LINC00305: variants seen among roughly 807,000 people sequenced by gnomAD.
The protein encoded by LINC00305 is long independently transcribed non-coding RNA 305, also known as long intergenic non-protein coding RNA 305.
intron 1 of LINC00305, among the ~76,000 whole-genome samples, chr18:64,124,546 G>T (rs1331933713): frequency 6.6e-6 from 1 of 152,016 alleles, no homozygotes; most frequent in Non-Finnish European, 1.5e-5. Context: ...ATGAATTGAG[G>T]CCAAACACAA....
chr18:64,099,142 T>A (rs1241536403), intron 1 of LINC00305, among the ~76,000 whole-genome samples: 1 of 152,212 alleles, frequency 6.6e-6, no homozygotes, highest in African/African-American at 2.4e-5. Context: ...GCAAATATTG[T>A]AATTTAAAAA....
intron 1 of LINC00305, among the ~76,000 whole-genome samples, chr18:64,113,986 ATGGC>A (rs2051326332): frequency 6.6e-6 from 1 of 152,188 alleles, no homozygotes; most frequent in South Asian, 2.1e-4. Context: ...ATGAAAGAAA[ATGGC>A]TGGGCGCGTT....
intron 1 of LINC00305, among the ~76,000 whole-genome samples, chr18:64,126,613 G>A (rs1339783248): frequency 6.6e-6 from 1 of 151,968 alleles, no homozygotes; most frequent in Non-Finnish European, 1.5e-5. Context: ...CTTAGTATGG[G>A]AATTCTGAGA....
intron 3 of LINC00305, among the ~76,000 whole-genome samples, chr18:64,085,511 G>A (rs886302290): frequency 3.3e-5 from 5 of 151,092 alleles, no homozygotes; most frequent in African/African-American, 9.7e-5. Context: ...TGCCCAGGCC[G>A]GAGTGCAGTG....
chr18:64,101,185 C>A (rs1196073930), intron 1 of LINC00305, among the ~76,000 whole-genome samples: 3 of 152,114 alleles, frequency 2.0e-5, no homozygotes, highest in African/African-American at 7.2e-5. Context: ...GATTGAGAAG[C>A]TGTATTTTCA....
At chr18:64,108,010 T>G (rs1202707703) in intron 1 of LINC00305, among the ~76,000 whole-genome samples, 2 of 152,140 alleles carry the variant, frequency 1.3e-5, no homozygotes, top group African/African-American at 2.4e-5. Flanking sequence ...AAACAACCTC[T>G]AAAAATCTAC....
chr18:64,134,477 C>T (rs773422323), intron 1 of LINC00305, among the ~76,000 whole-genome samples: 44 of 152,146 alleles, frequency 2.9e-4, no homozygotes, highest in Non-Finnish European at 2.1e-4. Context: ...GGTAGGAAAA[C>T]GCTCAAGCTC....
chr18:64,118,557 G>T (rs936919349), intron 1 of LINC00305, among the ~76,000 whole-genome samples: 1 of 151,956 alleles, frequency 6.6e-6, no homozygotes, highest in African/African-American at 2.4e-5. Flanking sequence ...CCAAACACTT[G>T]GATTACCCCT....
intron 3 of LINC00305, among the ~76,000 whole-genome samples, chr18:64,092,657 CA>C (rs1436412455): frequency 6.6e-6 from 1 of 152,178 alleles, no homozygotes; most frequent in Admixed American, 6.5e-5. Flanking sequence ...ACGCCTCCAA[CA>C]AAGGTGAGGT....
At chr18:64,121,881 A>G (rs1489355644) in intron 1 of LINC00305, among the ~76,000 whole-genome samples, 1 of 152,116 alleles carries the variant, frequency 6.6e-6, no homozygotes, top group African/African-American at 2.4e-5. Context: ...AATAATAGCC[A>G]TTCTGACTAG....
chr18:64,120,329 A>G (rs759697086), intron 1 of LINC00305, among the ~76,000 whole-genome samples: 14 of 152,116 alleles, frequency 9.2e-5, no homozygotes, highest in Non-Finnish European at 1.5e-4. Flanking sequence ...AGTTAAGTTT[A>G]GAGAAACACT....
intron 1 of LINC00305, among the ~76,000 whole-genome samples, chr18:64,106,748 A>C (rs924680120): frequency 2.0e-5 from 3 of 152,264 alleles, no homozygotes; most frequent in African/African-American, 7.2e-5. Flanking sequence ...AGGAGCAGAA[A>C]AATGACGCAG....
chr18:64,103,999 C>T (rs138556803), intron 1 of LINC00305: 1 of 152,248 alleles, frequency 6.6e-6, no homozygotes, highest in Admixed American at 6.5e-5. Flanking sequence ...CCATGACTTG[C>T]GTATGTCACA....
rs567530183 is a variant in LINC00305, at chr18:64,121,308, C to T, written n.315-22668G>A. On this transcript the variant is annotated intron_variant and non_coding_transcript_variant, in intron 1 of 3. Transcript: ENST00000666468. ...GAGTATCCATCACCCAAATAACGTA[C>T]GCTGTACCCCAAAACCTCCGTCATC... 3.9e-4 allele frequency among the ~76,000 whole-genome samples: 59 copies of T among 151,988 alleles called. 1 individual carries two copies. In the South Asian group the frequency reaches 9.3e-3, roughly 24 times the overall value.
intron 1 of LINC00305, among the ~76,000 whole-genome samples, chr18:64,116,039 A>G (rs1395117939): frequency 6.6e-6 from 1 of 152,150 alleles, no homozygotes; most frequent in East Asian, 1.9e-4. Flanking sequence ...CTCCATCCCT[A>G]GTCTTAGCTC....
intron 1 of LINC00305, among the ~76,000 whole-genome samples, chr18:64,122,536 C>T (rs973990430): frequency 2.0e-5 from 3 of 151,908 alleles, no homozygotes; most frequent in Non-Finnish European, 4.4e-5. Flanking sequence ...TTTGTTCCAC[C>T]AATCTATGTG....
chr18:64,098,867 T>A (rs2051257379), intron 1 of LINC00305, among the ~76,000 whole-genome samples: 1 of 152,146 alleles, frequency 6.6e-6, no homozygotes, highest in Non-Finnish European at 1.5e-5. Context: ...GGCTTAAATT[T>A]GACAAAAATA....
rs201430179 is a variant in LINC00305 at position 64,085,093 on chromosome 18, T to C, written n.541-4691A>G. 1.0e-3 allele frequency among the ~76,000 whole-genome samples: 156 copies of C among 152,362 alleles called. 1 individual carries two copies. The highest frequency in any genetic ancestry group is 3.7e-3 in the African/African-American group (153 of 41,590). On this transcript the variant is annotated intron_variant and non_coding_transcript_variant, in intron 3 of 3. Coordinates refer to ENST00000666468, the Ensembl canonical transcript of LINC00305. ...AGGAGAGTTGACTGTGATCACATAATGCCTTCTAATATTGTGCCCACTGAC... is the reference window on the plus strand; with the variant it reads ...AGGAGAGTTGACTGTGATCACATAACGCCTTCTAATATTGTGCCCACTGAC...
chr18:64,145,472 A>G (rs2051492909), intron 1 of LINC00305, among the ~76,000 whole-genome samples: 1 of 152,046 alleles, frequency 6.6e-6, no homozygotes, highest in Admixed American at 6.6e-5. Flanking sequence ...AGCTTTCACT[A>G]TCTTGTGTGT....
Sources: gnomAD v4.1 joint callset for allele counts (sites outside exome capture counted in the v4.1 genomes callset) on GRCh38, gnomAD v4.1.1 for gene constraint, MANE v1.5 for transcripts, NCBI Gene and HGNC (gene_info 2026-07-23, HGNC 2026-07-21) for gene names.